The following TMEM63B variants were observed in gnomAD, a reference collection of about 807,000 sequenced individuals.
The protein encoded by TMEM63B is mechanosensitive cation channel TMEM63B.
In TMEM63B, 23 loss-of-function variants were observed where a neutral mutation model predicts 102.6. That is an observed-to-expected ratio of 0.22 (90% CI 0.16 to 0.32). The LOEUF (loss-of-function observed/expected upper bound fraction) is 0.32, where lower values mean the gene tolerates loss of function less well. Ranked by LOEUF, TMEM63B falls within the 10% of genes least tolerant of loss-of-function variation. TMEM63B has a pLI of 1.00. For missense variants in TMEM63B, 628 were observed against 1,095.9 expected, an observed-to-expected ratio of 0.57 and a Z score of 6.03; for synonymous variants, 444 against 437.0, an observed-to-expected ratio of 1.02 and a Z score of -0.20.
intron 1 of TMEM63B, among the ~76,000 whole-genome samples, chr6:44,128,494 C>T (rs1777656872): frequency 6.6e-6 from 1 of 152,266 alleles, no homozygotes; most frequent in African/African-American, 2.4e-5. Flanking sequence ...AGCTTGGCAC[C>T]TTGTTCCCCA....
intron 11 of TMEM63B, 84 bp downstream of exon 11, chr6:44,147,011 T>C (rs1582810239): frequency 6.9e-7 from 1 of 1,439,744 alleles, no homozygotes; most frequent in Non-Finnish European, 9.7e-7. Context: ...CAGGCTCCCC[T>C]TCTAGATTTT....
intron 1 of TMEM63B, among the ~76,000 whole-genome samples, chr6:44,128,730 C>T (rs977371865): frequency 6.6e-6 from 1 of 152,230 alleles, no homozygotes; most frequent in Non-Finnish European, 1.5e-5. Context: ...AAGAGGGGCC[C>T]ATCCTGCCTC....
rs926543389 is a variant in TMEM63B, at chr6:44,134,945, C to A, written c.160-72C>A. ...CTTCTAAGACAAGATTTTGGACCCT[C>A]TGCTTCTGCCCCCTAGTCCAGCAGG... On this transcript the variant is annotated intron_variant, in intron 2 of 23. Transcript: ENST00000323267. 1.1e-5 allele frequency: 17 copies of A among 1,579,894 alleles called. 1 individual carries two copies. The South Asian group carries it at 1.9e-4, about 18-fold the overall frequency.
intron 10 of TMEM63B, 76 bp downstream of exon 10, chr6:44,141,174 C>T: frequency 1.4e-6 from 2 of 1,413,060 alleles, no homozygotes; most frequent in Non-Finnish European, 2.0e-6. Flanking sequence ...TAAGAACATC[C>T]TTATACCCTA....
chr6:44,138,366 G>T lies in TMEM63B; in HGVS notation c.370-114G>T, dbSNP rs1763428968. 3.1e-6 allele frequency: 4 copies of T among 1,305,224 alleles called. No individual in the cohort carries two copies. The Admixed American group carries it at 5.3e-5, about 17-fold the overall frequency. 80.9% of individuals were successfully genotyped at this position (1,305,224 alleles called of 1,614,324 possible). Reference sequence around the variant, plus strand: ...GGGTATAAGGATTTTTTTTTAGTGAGGGGTGTGGAAGCTATGCCTGGAGGT... The same window carrying T: ...GGGTATAAGGATTTTTTTTTAGTGATGGGTGTGGAAGCTATGCCTGGAGGT... On this transcript the variant is annotated intron_variant, in intron 5 of 23. Coordinates refer to ENST00000323267, the MANE Select transcript of TMEM63B (RefSeq NM_018426.3).
Position 44,148,632 on chromosome 6 carries a change from AC to A in TMEM63B, c.1244del (p.Pro415LeufsTer120). The A allele has an allele frequency of 6.2e-7, 1 of 1,614,044 alleles. No individual in the cohort carries two copies. The highest frequency in any genetic ancestry group is 8.5e-7 in the Non-Finnish European group (1 of 1,179,990). The part of the protein sequence containing the change: ...ISNWTVSYAP[D>X]PQNIYWEHLS... ...AACTGGACCGTGTCCTATGCCCCTG[AC>A]CCTCAGAACATCTACTGGTGAGCAA... On this transcript the variant is annotated frameshift_variant, in exon 14 of 24. Coordinates refer to ENST00000323267, the MANE Select transcript of TMEM63B (RefSeq NM_018426.3). LOFTEE classifies it high-confidence loss of function. This position sits in a 1 kb window ranked among gnomAD's most constrained non-coding sequence, Gnocchi z 5.1.
intron 4 of TMEM63B, 59 bp from the exon 5 acceptor site, chr6:44,136,290 A>G (rs774989257): frequency 3.4e-6 from 5 of 1,470,736 alleles, no homozygotes; most frequent in Non-Finnish European, 4.8e-6. Context: ...CACTCAGCCC[A>G]GCTTCCCGGG....
In TMEM63B at chr6:44,140,346, A is replaced by C; in HGVS notation, c.697A>C (p.Lys233Gln). The C allele has an allele frequency of 1.2e-6, 2 of 1,613,728 alleles. No individual in the cohort carries two copies. Among genetic ancestry groups the C allele is most frequent in the Non-Finnish European group, 1.7e-6 (2 of 1,179,758 alleles). The change falls in exon 9 of 24, where the codon AAG becomes CAG. Residue 233 changes from lysine to glutamine, a missense_variant. By Grantham distance (53) the Lys-to-Gln change is moderately conservative (BLOSUM62 1). Coordinates refer to ENST00000323267, the MANE Select transcript of TMEM63B (RefSeq NM_018426.3). ...TAGACACACCTCCAAGATGCGCTAC[A>C]AGGAGGATGATCTGGTGCGTGGAGC... Reference protein sequence around the residue: ...MRRHTSKMRYKEDDLVKRTLF... With the variant: ...MRRHTSKMRYQEDDLVKRTLF...
intron 6 of TMEM63B, among the ~76,000 whole-genome samples, 169 bp from the exon 7 acceptor site, chr6:44,139,298 C>G (rs1763746194): frequency 6.6e-6 from 1 of 151,892 alleles, no homozygotes; most frequent in Non-Finnish European, 1.5e-5. Flanking sequence ...TCCCCTCTCC[C>G]TTCACAGAAA....
upstream of TMEM63B, chr6:44,127,152 T>TCCCCGTCGGGACC: frequency 9.2e-6 from 1 of 108,806 alleles, no homozygotes; most frequent in South Asian, 3.3e-4. Context: ...GTAAGGGGCC[T>TCCCCGTCGGGACC]CCCCTCCCCG....
intron 10 of TMEM63B, among the ~76,000 whole-genome samples, chr6:44,142,535 G>GA (rs1295926657): frequency 3.3e-5 from 5 of 151,278 alleles, no homozygotes; most frequent in Non-Finnish European, 3.0e-5. Flanking sequence ...CTCAAAAAAA[G>GA]AAAAAAAAAT....
At chr6:44,138,241 A>G (rs4714755) in intron 5 of TMEM63B, 259,108 of 437,146 alleles carry the variant, frequency 0.59, 79,955 homozygotes, top group East Asian at 0.83. Context: ...AGATCTGGAC[A>G]TGGGGATTCA....
rs752983563 is a variant in TMEM63B at position 44,154,370 on chromosome 6, G to C, written c.2232G>C (p.Glu744Asp). 6.2e-7 allele frequency: 1 copy of C among 1,613,998 alleles called. No homozygotes were observed. Among genetic ancestry groups the C allele is most frequent in the South Asian group, 1.1e-5 (1 of 91,082 alleles). The change falls in exon 23 of 24, where the codon GAG (glutamate) becomes GAC (aspartate). Residue 744 changes from glutamate (E) to aspartate (D), a missense_variant. By Grantham distance (45) the Glu-to-Asp change is conservative. Coordinates refer to ENST00000323267, the MANE Select transcript of TMEM63B (RefSeq NM_018426.3). ...KYLSAHNYKI[E>D]HTETDTVDPR... The stretch of plus-strand genomic sequence containing the variant: ...CTCATTCTGGGCCCCTCAAGATTGA[G>C]CACACGGAGACAGATACTGTGGACC...
chr6:44,142,550 G>C (rs886386139), intron 10 of TMEM63B, among the ~76,000 whole-genome samples: 3 of 152,182 alleles, frequency 2.0e-5, no homozygotes, highest in African/African-American at 7.2e-5. Flanking sequence ...AAAAATCATT[G>C]AGTTCTCAGG....
intron 1 of TMEM63B, 172 bp from the exon 2 acceptor site, chr6:44,134,389 A>C: frequency 3.2e-6 from 2 of 632,946 alleles, no homozygotes; most frequent in Non-Finnish European, 5.3e-6. Context: ...AGTGAAGGTA[A>C]ATCCATGTGA....
At chr6:44,139,632 AG>A (rs1304638269) in intron 7 of TMEM63B, 23 bp downstream of exon 7, 1 of 1,614,180 alleles carries the variant, frequency 6.2e-7, no homozygotes, top group African/African-American at 1.3e-5. Context: ...CAGGACGGCT[AG>A]GGTGGAGAGA....
chr6:44,135,495 C>T (rs949015221), intron 4 of TMEM63B, 129 bp downstream of exon 4: 11 of 1,191,940 alleles, frequency 9.2e-6, no homozygotes, highest in South Asian at 6.2e-5. Flanking sequence ...GCTCATGTTT[C>T]GGATTAACGC....
rs781018232 is a variant in TMEM63B at position 44,132,816 on chromosome 6, C to T, written c.-24-1745C>T. The stretch of plus-strand genomic sequence containing the variant: ...ACCCACAGGTTCTCTGGCCTGAGAA[C>T]ATTTAATGAGCATTTATAAAGCTTC... On this transcript the variant is annotated intron_variant, in intron 1 of 23. Transcript: ENST00000323267. Among the ~76,000 whole-genome samples, 26 of 152,334 alleles carry T rather than the reference C, an allele frequency of 1.7e-4. 1 individual carries two copies. The highest frequency in any genetic ancestry group is 7.2e-4 in the Admixed American group (11 of 15,296).
At position 44,135,359 on chromosome 6, in the gene TMEM63B, C is replaced by A. The variant is rs773850038; in HGVS notation, c.271C>A (p.Gln91Lys). The change falls in exon 4 of 24, where the codon CAG (glutamine) becomes AAG (lysine). Residue 91 changes from glutamine to lysine, a missense_variant. By Grantham distance (53) the Gln-to-Lys change is moderately conservative. Coordinates refer to ENST00000323267, the MANE Select transcript of TMEM63B (RefSeq NM_018426.3). ...LRRQERDRVE[Q>K]EYVASAMHGD... ...GCGGCAGGAGAGGGACCGAGTGGAA[C>A]AGGAATAGTATGTGGGGCACCAGCC... is the stretch of plus-strand genomic sequence containing the variant. The A allele has an allele frequency of 6.2e-6, 10 of 1,612,684 alleles. No homozygotes were observed. Among genetic ancestry groups the A allele is most frequent in the Non-Finnish European group, 8.5e-6 (10 of 1,179,316 alleles).
Sources: gnomAD v4.1 joint callset for allele counts (sites outside exome capture counted in the v4.1 genomes callset) on GRCh38, gnomAD v4.1.1 for gene constraint, Gnocchi (gnomAD v3.1) non-coding constraint, MANE v1.5 for transcripts, NCBI Gene and HGNC (gene_info 2026-07-23, HGNC 2026-07-21) for gene names.